SRPK1: variants seen among roughly 807,000 people sequenced by gnomAD.
The protein encoded by SRPK1 is SRSF protein kinase 1, also known as SFRS protein kinase 1.
SRPK1 carries 52 observed loss-of-function variants against 89.5 expected under a neutral mutation model. The ratio of observed to expected loss-of-function variants is 0.58; its 90% CI spans 0.46 to 0.73. The LOEUF (loss-of-function observed/expected upper bound fraction) is 0.73. SRPK1 is among the 30% of genes least tolerant of loss of function. SRPK1 has a pLI of 0.00. For synonymous variants in SRPK1, 255 were observed against 270.2 expected, an observed-to-expected ratio of 0.94 and a Z score of 0.55; for missense variants, 603 against 780.6, an observed-to-expected ratio of 0.77 and a Z score of 2.71.
chr6:35,846,560 A>AC (rs1769431141), intron 13 of SRPK1, among the ~76,000 whole-genome samples: 1 of 151,748 alleles, frequency 6.6e-6, no homozygotes, highest in Non-Finnish European at 1.5e-5. Context: ...TGTCTCCAAA[A>AC]AAAAAAAAAA....
At chr6:35,865,685 C>G (rs915320021) in intron 12 of SRPK1, among the ~76,000 whole-genome samples, 3 of 152,082 alleles carry the variant, frequency 2.0e-5, no homozygotes, top group African/African-American at 7.2e-5. Flanking sequence ...CAAGCACATT[C>G]ACTGGGAAAA....
In SRPK1 at chr6:35,869,731, C is replaced by T. The variant is rs1325343819; in HGVS notation, c.1162G>A (p.Val388Ile). 1 of 1,613,848 alleles carries T rather than the reference C, an allele frequency of 6.2e-7. No homozygotes were observed. Among genetic ancestry groups the T allele is most frequent in the Non-Finnish European group, 8.5e-7 (1 of 1,179,784 alleles). Residue 388 changes from valine to isoleucine, a missense_variant, in exon 11 of 16, where the codon GTC becomes ATC. Coordinates refer to ENST00000373825, the MANE Select transcript of SRPK1 (RefSeq NM_003137.5). ...CTAGATTCCTGATTCAAATTTTGGA[C>T]ATCACAGTCATTAGCATTATGTAGA... ...EDLHNANDCDVQNLNQESSFL... is the reference protein window; with the variant it reads ...EDLHNANDCDIQNLNQESSFL...
At position 35,888,807 on chromosome 6, in the gene SRPK1, A is replaced by T; in HGVS notation, c.302+8T>A. The T allele has an allele frequency of 1.3e-6, 2 of 1,576,782 alleles. No individual in the cohort carries two copies. The highest frequency in any genetic ancestry group is 1.7e-6 in the Non-Finnish European group (2 of 1,146,554). On this transcript the variant is annotated splice_region_variant and intron_variant, in intron 4 of 15. Transcript: ENST00000373825. ...AACTAATTCTTTTACAGAACCACTA[A>T]AACTTACTGAATATCCCATGATAAC...
chr6:35,852,980 C>T (rs1769586453), intron 13 of SRPK1, among the ~76,000 whole-genome samples: 1 of 152,112 alleles, frequency 6.6e-6, no homozygotes, highest in African/African-American at 2.4e-5. Flanking sequence ...TGACTCATGC[C>T]TGTAATTCCA....
intron 2 of SRPK1, among the ~76,000 whole-genome samples, chr6:35,895,435 T>TTGTG (rs10566123): frequency 0.026 from 3,781 of 147,934 alleles, 136 homozygotes; most frequent in African/African-American, 0.081. Context: ...AGGCATATGC[T>TTGTG]TGTGTGTGTG....
chr6:35,914,292 T>C (rs1198152513), intron 2 of SRPK1, among the ~76,000 whole-genome samples: 6 of 152,158 alleles, frequency 3.9e-5, no homozygotes. Context: ...ACATTCTTAA[T>C]AAAGAGTTCT....
rs763164846 is a variant in SRPK1, at chr6:35,921,094, G to T, written c.-38C>A. 1 of 1,474,346 alleles carries T rather than the reference G, an allele frequency of 6.8e-7. No homozygotes were observed. Among genetic ancestry groups the T allele is most frequent in the Non-Finnish European group, 9.0e-7 (1 of 1,107,324 alleles). The allele number at this position is 1,474,346 out of a possible 1,614,324, so 91.3% of individuals were successfully genotyped here. On this transcript the variant is annotated 5_prime_UTR_variant, in exon 1 of 16. Coordinates refer to ENST00000373825, the MANE Select transcript of SRPK1 (RefSeq NM_003137.5). ...AATCGCCAGGCGCCTGCGCACTCGA[G>T]TGGCGGCGACTCCCGCTCCCGCCGC...
intron 2 of SRPK1, among the ~76,000 whole-genome samples, chr6:35,903,054 G>T (rs187645268): frequency 3.3e-5 from 5 of 151,716 alleles, no homozygotes; most frequent in South Asian, 2.1e-4. Flanking sequence ...CAAGGTGAGA[G>T]AATCACTTGA....
rs1035960687 is a variant in SRPK1, at chr6:35,892,103, A to G, written c.75-1090T>C. 1.2e-4 allele frequency among the ~76,000 whole-genome samples: 18 copies of G among 152,214 alleles called. 1 individual carries two copies. Among genetic ancestry groups the G allele is most frequent in the Non-Finnish European group, 2.9e-5 (2 of 68,038 alleles). The stretch of plus-strand genomic sequence containing the variant: ...ACTGCTTCCCAAAAAGGTTGTACTA[A>G]GTTACATCCCCACCAGCCACACATG... On this transcript the variant is annotated intron_variant, in intron 2 of 15. Coordinates refer to ENST00000373825, the MANE Select transcript of SRPK1 (RefSeq NM_003137.5).
At chr6:35,873,407 A>G (rs1228538637) in intron 7 of SRPK1, among the ~76,000 whole-genome samples, 1 of 152,250 alleles carries the variant, frequency 6.6e-6, no homozygotes, top group African/African-American at 2.4e-5. Context: ...AACCTGGGGG[A>G]AAATGGTTAT....
At chr6:35,857,422 C>T in intron 12 of SRPK1, 54 bp from the exon 13 acceptor site, 1 of 1,335,688 alleles carries the variant, frequency 7.5e-7, no homozygotes, top group Non-Finnish European at 1.1e-6. Context: ...AGTAACAAGT[C>T]AATACTGCTT....
intron 14 of SRPK1, among the ~76,000 whole-genome samples, chr6:35,841,644 C>G (rs1357745797): frequency 6.6e-6 from 1 of 151,902 alleles, no homozygotes; most frequent in African/African-American, 2.4e-5. Flanking sequence ...CCATCCTGGC[C>G]AACATGGTGA....
At chr6:35,904,985 A>C in intron 2 of SRPK1, 1 of 446,784 alleles carries the variant, frequency 2.2e-6, no homozygotes. Flanking sequence ...CTACAAAAGA[A>C]AAGAAAAAAA....
intron 2 of SRPK1, among the ~76,000 whole-genome samples, chr6:35,917,271 G>A (rs957335428): frequency 6.6e-6 from 1 of 152,178 alleles, no homozygotes; most frequent in African/African-American, 2.4e-5. Context: ...TCATTCAGAA[G>A]CCTCTTTCAA....
chr6:35,886,999 A>G (rs899102939), intron 5 of SRPK1, among the ~76,000 whole-genome samples, 188 bp from the exon 6 acceptor site: 1 of 152,228 alleles, frequency 6.6e-6, no homozygotes, highest in Admixed American at 6.5e-5. Context: ...AAGAGGAAAT[A>G]CAACCAACAG....
intron 2 of SRPK1, among the ~76,000 whole-genome samples, chr6:35,901,378 T>C (rs901705922): frequency 6.6e-6 from 1 of 151,988 alleles, no homozygotes; most frequent in African/African-American, 2.4e-5. Context: ...AGAGGGAAGA[T>C]GATGTGAAGA....
chr6:35,866,946 T>C (rs1561977033), intron 12 of SRPK1, among the ~76,000 whole-genome samples: 1 of 152,164 alleles, frequency 6.6e-6, no homozygotes, highest in Admixed American at 6.5e-5. Context: ...CACTTATAAG[T>C]GGGAGCTGCA....
At chr6:35,876,586 G>A (rs532057887) in intron 6 of SRPK1, among the ~76,000 whole-genome samples, 1 of 152,274 alleles carries the variant, frequency 6.6e-6, no homozygotes, top group Admixed American at 6.5e-5. Flanking sequence ...AGGCTGCAGT[G>A]AGCAGAGATC....
At chr6:35,898,850 A>G (rs529998339) in intron 2 of SRPK1, among the ~76,000 whole-genome samples, 7 of 152,314 alleles carry the variant, frequency 4.6e-5, no homozygotes, top group African/African-American at 1.7e-4. Context: ...TTTCCAAAAC[A>G]AAACAAAAAT....
Sources: allele counts gnomAD v4.1 joint callset (sites outside exome capture counted in the v4.1 genomes callset), GRCh38; gene constraint gnomAD v4.1.1; transcripts MANE v1.5; gene names NCBI Gene and HGNC (gene_info 2026-07-23, HGNC 2026-07-21).